The following EPHB2 variants were observed in gnomAD, a reference collection of about 807,000 sequenced individuals.
EPHB2 encodes EPH receptor B2, also known as ephrin type-B receptor 2.
A neutral mutation model predicts 96.4 loss-of-function variants in EPHB2; 18 were observed. The observed-to-expected ratio is 0.19, with a 90% CI of 0.13 to 0.28. The LOEUF (loss-of-function observed/expected upper bound fraction) is 0.28. EPHB2 is among the 10% of genes least tolerant of loss of function. The probability of loss-of-function intolerance (pLI) is 1.00; values close to 1 mark genes in which losing one functional copy is unlikely to be tolerated. For synonymous variants in EPHB2, 506 were observed against 534.1 expected (o/e 0.95, Z 0.72); for missense variants, 989 against 1,355.4 (o/e 0.73, Z 4.25).
chr1:22,910,452 T>A lies in EPHB2; in HGVS notation c.2573T>A (p.Leu858His), dbSNP rs759404153. ...GACTGCCCGAGCGCCCTGCACCAAC[T>A]CATGCTGGACTGTTGGCAGAAGGAC... Reference protein sequence around the residue: ...PMDCPSALHQLMLDCWQKDRN... With the variant: ...PMDCPSALHQHMLDCWQKDRN... Residue 858 changes from leucine (L) to histidine (H), a missense_variant, in exon 14 of 16, where the codon CTC (leucine) becomes CAC (histidine). Physicochemically the swap from Leu to His is moderately conservative, Grantham distance 99 (BLOSUM62 -3). Transcript: ENST00000374630. The A allele has an allele frequency of 2.7e-5, 43 of 1,614,052 alleles. No homozygotes were observed. Among genetic ancestry groups the A allele is most frequent in the Non-Finnish European group, 3.4e-5 (40 of 1,180,034 alleles).
chr1:22,715,156 A>G (rs1643258413), intron 1 of EPHB2, among the ~76,000 whole-genome samples: 1 of 152,226 alleles, frequency 6.6e-6, no homozygotes, highest in Non-Finnish European at 1.5e-5. Context: ...AGATGAATAT[A>G]TGATACTGTG....
chr1:22,897,670 C>T (rs970756163), intron 9 of EPHB2, among the ~76,000 whole-genome samples: 2 of 152,066 alleles, frequency 1.3e-5, no homozygotes, highest in Non-Finnish European at 2.9e-5. Context: ...GCCTGTAATC[C>T]CAGCTACTCA....
intron 1 of EPHB2, among the ~76,000 whole-genome samples, chr1:22,724,364 T>C (rs1041380944): frequency 6.6e-6 from 1 of 152,222 alleles, no homozygotes; most frequent in African/African-American, 2.4e-5. Flanking sequence ...TAAGGCCAGC[T>C]CTCTAACCCC....
chr1:22,806,503 ACGGATGGAT>A (rs1644928344), intron 3 of EPHB2, among the ~76,000 whole-genome samples: 4 of 96,466 alleles, frequency 4.1e-5, no homozygotes, highest in African/African-American at 2.4e-4. Flanking sequence ...GGACGGACGG[ACGGATGGAT>A]GGATGGATGG....
intron 9 of EPHB2, among the ~76,000 whole-genome samples, chr1:22,898,688 C>T (rs1639649419): frequency 6.6e-6 from 1 of 152,096 alleles, no homozygotes; most frequent in African/African-American, 2.4e-5. Context: ...GCAAGGAGAC[C>T]AGTGGGGTGG....
At position 22,784,830 on chromosome 1, in the gene EPHB2, G is replaced by T; in HGVS notation, c.565G>T (p.Ala189Ser). 1 of 1,603,714 alleles carries T rather than the reference G, an allele frequency of 6.2e-7. No individual in the cohort carries two copies. Among genetic ancestry groups the T allele is most frequent in the South Asian group, 1.1e-5 (1 of 89,720 alleles). The change falls in exon 3 of 16, where the codon GCC becomes TCC. Residue 189 changes from alanine (A) to serine (S), a missense_variant. Coordinates refer to ENST00000374630, the MANE Select transcript of EPHB2 (RefSeq NM_017449.5). The surrounding 1 kb of genome is among the most constrained non-coding windows in gnomAD (Gnocchi z 5.1). ...QDYGGCMSLI[A>S]VRVFYRKCPR... is the part of the protein sequence containing the mutation. ...CTATGGCGGCTGCATGTCCCTCATCGCCGTGCGTGTCTTCTACCGCAAGTG... is the reference window on the plus strand; with the variant it reads ...CTATGGCGGCTGCATGTCCCTCATCTCCGTGCGTGTCTTCTACCGCAAGTG...
intron 3 of EPHB2, among the ~76,000 whole-genome samples, chr1:22,844,952 G>A (rs996679871): frequency 3.9e-5 from 6 of 152,252 alleles, no homozygotes; most frequent in African/African-American, 1.2e-4. Context: ...CCCACACCCG[G>A]ATTTGTGTGC....
At chr1:22,813,172 G>A (rs984674218) in intron 3 of EPHB2, among the ~76,000 whole-genome samples, 1 of 152,174 alleles carries the variant, frequency 6.6e-6, no homozygotes, top group Non-Finnish European at 1.5e-5. Flanking sequence ...TGCCAGTCAG[G>A]CAGGTTCTCT....
chr1:22,858,445 C>T lies in EPHB2; in HGVS notation c.812-4592C>T, dbSNP rs1350416592. Reference sequence around the variant, plus strand: ...AGTGGAGCAGAGACCCATTCGATGGCTCTCTCTGTCATTATTCCATGCAGG... The same window carrying T: ...AGTGGAGCAGAGACCCATTCGATGGTTCTCTCTGTCATTATTCCATGCAGG... On this transcript the variant is annotated intron_variant, in intron 3 of 15. Transcript: ENST00000374630. The surrounding 1 kb of genome is among the most constrained non-coding windows in gnomAD (Gnocchi z 7.7). 1.3e-5 allele frequency among the ~76,000 whole-genome samples: 2 copies of T among 152,174 alleles called. No homozygotes were observed. The highest frequency in any genetic ancestry group is 4.8e-5 in the African/African-American group (2 of 41,442).
At chr1:22,737,074 G>T (rs1367882869) in intron 1 of EPHB2, among the ~76,000 whole-genome samples, 3 of 152,160 alleles carry the variant, frequency 2.0e-5, no homozygotes, top group Non-Finnish European at 4.4e-5. Flanking sequence ...TTTCTAATCT[G>T]GCTGCCTTGT....
At chr1:22,882,257 C>T (rs1178712020) in intron 5 of EPHB2, 102 bp from the exon 6 acceptor site, 3 of 1,573,436 alleles carry the variant, frequency 1.9e-6, no homozygotes, top group African/African-American at 2.7e-5. Flanking sequence ...CCTTCCCTCT[C>T]TGATCCCACA....
At chr1:22,883,171 G>C (rs1355945289) in intron 6 of EPHB2, among the ~76,000 whole-genome samples, 2 of 152,224 alleles carry the variant, frequency 1.3e-5, no homozygotes, top group Non-Finnish European at 2.9e-5. Context: ...GTGTGGGTGA[G>C]ACCCCTCGCG....
intron 3 of EPHB2, among the ~76,000 whole-genome samples, chr1:22,853,759 G>C (rs1645659510): frequency 1.3e-5 from 2 of 152,276 alleles, no homozygotes; most frequent in Middle Eastern, 3.2e-3. Context: ...TGAGGGAGCT[G>C]AAGCTGGCCA....
At chr1:22,873,484 C>A (rs1638738196) in intron 5 of EPHB2, among the ~76,000 whole-genome samples, 1 of 152,164 alleles carries the variant, frequency 6.6e-6, no homozygotes, top group Admixed American at 6.5e-5. Flanking sequence ...CTATTGGCCA[C>A]CACAAGACAC....
At chr1:22,890,736 C>G (rs1639364016) in intron 6 of EPHB2, among the ~76,000 whole-genome samples, 1 of 152,154 alleles carries the variant, frequency 6.6e-6, no homozygotes, top group South Asian at 2.1e-4. Flanking sequence ...GGTGGTTACC[C>G]CCATGCTTTT....
In EPHB2 at chr1:22,908,164, C is replaced by G; in HGVS notation, c.2348C>G (p.Ala783Gly). ...DDTSDPTYTS[A>G]LGGKIPIRWT... ...ACCTCAGACCCCACCTACACCAGTG[C>G]CCTGGTAAGATGGAGGCAGGGAACA... is the stretch of plus-strand genomic sequence containing the variant. The change falls in exon 12 of 16, where the codon GCC (alanine) becomes GGC (glycine). Residue 783 changes from alanine to glycine, a missense_variant. Physicochemically the swap from Ala to Gly is moderately conservative, Grantham distance 60. Transcript: ENST00000374630. 6.2e-7 allele frequency: 1 copy of G among 1,614,236 alleles called. No homozygotes were observed. The highest frequency in any genetic ancestry group is 8.5e-7 in the Non-Finnish European group (1 of 1,180,028).
chr1:22,850,400 C>T (rs1020089583), intron 3 of EPHB2, among the ~76,000 whole-genome samples: 4 of 152,182 alleles, frequency 2.6e-5, no homozygotes, highest in African/African-American at 4.8e-5. Context: ...TCCCCAGCTC[C>T]GCCAGGTCCA....
intron 5 of EPHB2, among the ~76,000 whole-genome samples, chr1:22,870,104 C>T (rs1557724983): frequency 6.6e-6 from 1 of 152,120 alleles, no homozygotes; most frequent in South Asian, 2.1e-4. Flanking sequence ...TTAAACAGAC[C>T]CTAAAATTCA....
At chr1:22,741,917 A>G (rs2148366829) in intron 1 of EPHB2, among the ~76,000 whole-genome samples, 1 of 152,214 alleles carries the variant, frequency 6.6e-6, no homozygotes, top group African/African-American at 2.4e-5. Flanking sequence ...GAAGTGGTAG[A>G]GTCGGGACTT....
Sources: allele counts gnomAD v4.1 joint callset (sites outside exome capture counted in the v4.1 genomes callset), GRCh38; gene constraint gnomAD v4.1.1; non-coding constraint Gnocchi (gnomAD v3.1); transcripts MANE v1.5; gene names NCBI Gene and HGNC (gene_info 2026-07-23, HGNC 2026-07-21).